FBXL17: variants seen among roughly 807,000 people sequenced by gnomAD.
FBXL17 encodes F-box and leucine rich repeat protein 17, also known as F-box/LRR-repeat protein 17.
In FBXL17, 22 loss-of-function variants were observed where a neutral mutation model predicts 66.2. The ratio of observed to expected loss-of-function variants is 0.33; its 90% confidence interval spans 0.24 to 0.47. The LOEUF is 0.47. Ranked by LOEUF, FBXL17 falls within the 20% of genes least tolerant of loss-of-function variation. The pLI is 1.00. For synonymous variants in FBXL17, 474 were observed against 400.5 expected (o/e 1.18, Z -2.19); for missense variants, 878 against 948.2 (o/e 0.93, Z 0.97).
intron 6 of FBXL17, among the ~76,000 whole-genome samples, chr5:108,179,883 TA>T (rs1752935063): frequency 6.6e-6 from 1 of 152,212 alleles, no homozygotes; most frequent in Non-Finnish European, 1.5e-5. Context: ...ATGAAATATC[TA>T]AAATTCTCTG....
chr5:108,194,605 A>G (rs1753604095), intron 5 of FBXL17, among the ~76,000 whole-genome samples: 1 of 151,960 alleles, frequency 6.6e-6, no homozygotes, highest in Non-Finnish European at 1.5e-5. Flanking sequence ...AGCCTTTCCT[A>G]GACTGTGCTG....
intron 6 of FBXL17, among the ~76,000 whole-genome samples, chr5:108,146,369 C>T (rs186470675): frequency 2.6e-5 from 4 of 152,108 alleles, no homozygotes; most frequent in African/African-American, 9.6e-5. Context: ...TTCATGGGCT[C>T]CATGGTAATT....
At chr5:108,248,272 A>G (rs926529404) in intron 4 of FBXL17, among the ~76,000 whole-genome samples, 3 of 152,208 alleles carry the variant, frequency 2.0e-5, no homozygotes, top group Non-Finnish European at 4.4e-5. Context: ...AAGAAGAACC[A>G]CATGGAAGTT....
chr5:107,934,146 T>C (rs1485705799), intron 7 of FBXL17, among the ~76,000 whole-genome samples: 1 of 152,176 alleles, frequency 6.6e-6, no homozygotes, highest in Admixed American at 6.5e-5. Context: ...TTACCTTTTT[T>C]ACTTTCCATG....
At chr5:107,931,731 G>A (rs10066241) in intron 7 of FBXL17, among the ~76,000 whole-genome samples, 14,049 of 152,036 alleles carry the variant, frequency 0.092, 779 homozygotes, top group South Asian at 0.16. Context: ...TAGAAATATA[G>A]GTAAGTATTT....
intron 7 of FBXL17, among the ~76,000 whole-genome samples, chr5:107,945,278 T>C (rs1465836645): frequency 6.6e-6 from 1 of 152,144 alleles, no homozygotes; most frequent in Non-Finnish European, 1.5e-5. Flanking sequence ...TTGGCAAGGA[T>C]ATTGAGCAAT....
intron 7 of FBXL17, among the ~76,000 whole-genome samples, chr5:108,017,295 C>A (rs1292685287): frequency 6.6e-6 from 1 of 152,124 alleles, no homozygotes; most frequent in Non-Finnish European, 1.5e-5. Flanking sequence ...TTTTCTATTG[C>A]CTACTAATAA....
chr5:108,124,290 A>T (rs182309534), intron 6 of FBXL17, among the ~76,000 whole-genome samples: 8 of 149,978 alleles, frequency 5.3e-5, no homozygotes, highest in South Asian at 4.2e-4. Flanking sequence ...GAAATATGTT[A>T]AAAAAAAAGA....
intron 5 of FBXL17, among the ~76,000 whole-genome samples, chr5:108,198,785 A>G (rs1301039633): frequency 1.3e-5 from 2 of 152,202 alleles, no homozygotes; most frequent in African/African-American, 4.8e-5. Context: ...ACTCAATGTT[A>G]TAAGCTGGAA....
intron 6 of FBXL17, among the ~76,000 whole-genome samples, chr5:108,069,587 AG>A (rs745546599): frequency 1.2e-4 from 19 of 152,250 alleles, no homozygotes; most frequent in Non-Finnish European, 2.2e-4. Flanking sequence ...CTCATTAAAA[AG>A]CATGATTCTA....
chr5:107,986,089 A>G (rs1273395423), intron 7 of FBXL17, among the ~76,000 whole-genome samples: 1 of 152,108 alleles, frequency 6.6e-6, no homozygotes. Flanking sequence ...TAGAGATATA[A>G]TCTATTAGAT....
At chr5:108,284,441 G>T (rs547159989) in intron 4 of FBXL17, among the ~76,000 whole-genome samples, 2 of 151,816 alleles carry the variant, frequency 1.3e-5, no homozygotes, top group Non-Finnish European at 2.9e-5. Context: ...AGTAAAACAA[G>T]CCAGGCACAG....
intron 6 of FBXL17, among the ~76,000 whole-genome samples, chr5:108,048,288 ACAAACCC>A (rs1297453079): frequency 6.6e-6 from 1 of 152,214 alleles, no homozygotes; most frequent in Non-Finnish European, 1.5e-5. Flanking sequence ...AAGTCCCCAC[ACAAACCC>A]CATCCAAGGG....
chr5:107,885,786 C>T (rs1408369231), intron 7 of FBXL17, among the ~76,000 whole-genome samples: 2 of 152,042 alleles, frequency 1.3e-5, no homozygotes, highest in Non-Finnish European at 2.9e-5. Flanking sequence ...CCACAAAATA[C>T]TGTGTAACTA....
intron 1 of FBXL17, among the ~76,000 whole-genome samples, chr5:108,370,872 A>C (rs759061697): frequency 6.6e-6 from 1 of 152,218 alleles, no homozygotes; most frequent in Non-Finnish European, 1.5e-5. Context: ...ATATATTAAA[A>C]GCAATTGCCT....
chr5:108,145,314 G>T (rs1416956075), intron 6 of FBXL17, among the ~76,000 whole-genome samples: 2 of 152,228 alleles, frequency 1.3e-5, no homozygotes, highest in Non-Finnish European at 2.9e-5. Context: ...AATGAGTAGA[G>T]ATCACATGGT....
At chr5:107,882,820 T>C (rs1381942613) in intron 7 of FBXL17, among the ~76,000 whole-genome samples, 1 of 152,206 alleles carries the variant, frequency 6.6e-6, no homozygotes, top group Non-Finnish European at 1.5e-5. Context: ...TTTCCAAAGA[T>C]GACAAAGCAC....
chr5:108,308,191 G>A (rs116619445), intron 4 of FBXL17, among the ~76,000 whole-genome samples: 3,291 of 152,036 alleles, frequency 0.022, 42 homozygotes, highest in Non-Finnish European at 0.033. Flanking sequence ...GAATGAGAAA[G>A]AATATTATTG....
Position 108,365,129 on chromosome 5 carries a change from C to G in FBXL17, c.1117-134G>C, listed in dbSNP as rs1480825383. 6.5e-6 allele frequency: 4 copies of G among 616,490 alleles called. No individual in the cohort carries two copies. The East Asian group carries it at 1.1e-4, about 17-fold the overall frequency. 38.2% of individuals were successfully genotyped at this position (616,490 alleles called of 1,614,324 possible). ...ATGAACGATATAATCAAAAGAGAAA[C>G]CGTCTTAACATTGAAGCATAACAAG... On this transcript the variant is annotated intron_variant, in intron 2 of 8. Transcript: ENST00000542267.
Sources: gnomAD v4.1 joint callset for allele counts (sites outside exome capture counted in the v4.1 genomes callset) on GRCh38, gnomAD v4.1.1 for gene constraint, MANE v1.5 for transcripts, NCBI Gene and HGNC (gene_info 2026-07-23, HGNC 2026-07-21) for gene names.